ADK: variants seen among roughly 807,000 people sequenced by gnomAD.
ADK encodes the protein N6,N6-dimethyladenosine kinase.
A neutral mutation model predicts 44.7 loss-of-function variants in ADK; 24 were observed. The observed-to-expected ratio is 0.54, with a 90% confidence interval of 0.39 to 0.76. The LOEUF (loss-of-function observed/expected upper bound fraction) is 0.76, where lower values mean the gene tolerates loss of function less well. ADK is among the 30% of genes least tolerant of loss of function. ADK has a pLI of 0.00. For synonymous variants in ADK, 128 were observed against 142.6 expected, an observed-to-expected ratio of 0.90 and a Z score of 0.73; for missense variants, 321 against 425.1, an observed-to-expected ratio of 0.76 and a Z score of 2.15.
At chr10:74,300,623 C>T (rs1839997711) in intron 3 of ADK, among the ~76,000 whole-genome samples, 1 of 152,144 alleles carries the variant, frequency 6.6e-6, no homozygotes, top group African/African-American at 2.4e-5. Flanking sequence ...AAGCTATCCA[C>T]TCACTTTGGC....
At chr10:74,476,274 A>G (rs1846835036) in intron 6 of ADK, among the ~76,000 whole-genome samples, 1 of 152,076 alleles carries the variant, frequency 6.6e-6, no homozygotes, top group Non-Finnish European at 1.5e-5. Context: ...CGGGCAGATC[A>G]CCTGAAGTCG....
chr10:74,660,546 T>G (rs969419275), intron 9 of ADK, among the ~76,000 whole-genome samples: 1 of 150,776 alleles, frequency 6.6e-6, no homozygotes, highest in Non-Finnish European at 1.5e-5. Context: ...GAGACCAGCC[T>G]GGGCAACATG....
At chr10:74,639,776 C>T (rs1280490868) in intron 9 of ADK, among the ~76,000 whole-genome samples, 1 of 152,078 alleles carries the variant, frequency 6.6e-6, no homozygotes, top group Non-Finnish European at 1.5e-5. Context: ...GCAGAGGTTG[C>T]GGTGAGCCGA....
chr10:74,311,628 G>A (rs754407952), intron 3 of ADK, among the ~76,000 whole-genome samples: 3 of 151,954 alleles, frequency 2.0e-5, no homozygotes, highest in Non-Finnish European at 2.9e-5. Context: ...TAGAAACTTG[G>A]CTGGAAAAAA....
At chr10:74,653,401 G>A (rs902919023) in intron 9 of ADK, among the ~76,000 whole-genome samples, 8 of 152,078 alleles carry the variant, frequency 5.3e-5, no homozygotes, top group South Asian at 2.1e-4. Flanking sequence ...GCAGTGAGCC[G>A]AGATCATGCC....
At chr10:74,508,968 A>G (rs1848189735) in intron 6 of ADK, among the ~76,000 whole-genome samples, 1 of 152,184 alleles carries the variant, frequency 6.6e-6, no homozygotes, top group African/African-American at 2.4e-5. Context: ...ATTTTATAAG[A>G]AACAAGGTCT....
At chr10:74,401,455 AG>A (rs1399150783) in intron 6 of ADK, among the ~76,000 whole-genome samples, 1 of 152,072 alleles carries the variant, frequency 6.6e-6, no homozygotes, top group Non-Finnish European at 1.5e-5. Flanking sequence ...TAGGATAGTT[AG>A]CTCTTCTTGT....
chr10:74,573,073 G>A (rs938665288), intron 7 of ADK, among the ~76,000 whole-genome samples: 1 of 152,162 alleles, frequency 6.6e-6, no homozygotes, highest in African/African-American at 2.4e-5. Context: ...GAGGAGGAGA[G>A]GCGCTCTGCT....
chr10:74,205,478 C>G (rs1843558455), intron 2 of ADK, among the ~76,000 whole-genome samples: 1 of 151,900 alleles, frequency 6.6e-6, no homozygotes, highest in Non-Finnish European at 1.5e-5. Context: ...GAGTTTGAGA[C>G]CAGCCTGGCC....
intron 7 of ADK, among the ~76,000 whole-genome samples, chr10:74,544,901 T>TC (rs999241828): frequency 5.3e-5 from 8 of 151,328 alleles, no homozygotes; most frequent in East Asian, 1.9e-4. Context: ...TTTCTTTCTT[T>TC]TTTTTTTTTT....
At chr10:74,179,623 C>T (rs1477842208) in intron 1 of ADK, among the ~76,000 whole-genome samples, 1 of 152,168 alleles carries the variant, frequency 6.6e-6, no homozygotes, top group Non-Finnish European at 1.5e-5. Flanking sequence ...AACGTTCAGA[C>T]CTTACCCTAT....
intron 3 of ADK, among the ~76,000 whole-genome samples, chr10:74,275,892 C>T (rs1846653589): frequency 6.6e-6 from 1 of 152,174 alleles, no homozygotes; most frequent in Non-Finnish European, 1.5e-5. Flanking sequence ...CTGCCTGCCT[C>T]AGCCTTCCAA....
chr10:74,595,040 G>T (rs1851854211), intron 8 of ADK, among the ~76,000 whole-genome samples: 1 of 152,020 alleles, frequency 6.6e-6, no homozygotes, highest in African/African-American at 2.4e-5. Flanking sequence ...AGCCAGGTAT[G>T]GTGGCAGATG....
chr10:74,171,810 C>CTGTGTG (rs144943440), intron 1 of ADK, among the ~76,000 whole-genome samples: 13 of 144,090 alleles, frequency 9.0e-5, no homozygotes, highest in East Asian at 4.0e-4. Context: ...CTCTGTCTCT[C>CTGTGTG]TGTGTGTGTG....
intron 1 of ADK, among the ~76,000 whole-genome samples, chr10:74,182,964 G>A (rs1842616032): frequency 6.6e-6 from 1 of 152,058 alleles, no homozygotes; most frequent in Non-Finnish European, 1.5e-5. Flanking sequence ...TGCCCTTGCT[G>A]GAGTGTGGTG....
chr10:74,658,147 G>A (rs991460972), intron 9 of ADK, among the ~76,000 whole-genome samples: 18 of 151,982 alleles, frequency 1.2e-4, no homozygotes, highest in Non-Finnish European at 2.6e-4. Flanking sequence ...TTTTAACAGG[G>A]GAATAACATC....
At chr10:74,632,103 T>C (rs749326461) in intron 9 of ADK, among the ~76,000 whole-genome samples, 10 of 152,168 alleles carry the variant, frequency 6.6e-5, no homozygotes, top group Admixed American at 4.6e-4. Context: ...ACTGTCTCTC[T>C]CCAGCTTCAC....
intron 4 of ADK, among the ~76,000 whole-genome samples, chr10:74,316,692 G>T (rs568231760): frequency 1.4e-3 from 217 of 152,308 alleles, no homozygotes; most frequent in Non-Finnish European, 2.5e-3. Flanking sequence ...GTCTCAGGCA[G>T]TTCTTTACAG....
chr10:74,526,471 C>T (rs905271879), intron 7 of ADK, among the ~76,000 whole-genome samples: 2 of 152,124 alleles, frequency 1.3e-5, no homozygotes, highest in African/African-American at 4.8e-5. Context: ...TTAATGTATA[C>T]AATGAAGGTA....
Sources: allele counts gnomAD v4.1 joint callset (sites outside exome capture counted in the v4.1 genomes callset), GRCh38; gene constraint gnomAD v4.1.1; transcripts MANE v1.5; gene names NCBI Gene and HGNC (gene_info 2026-07-23, HGNC 2026-07-21).